The following RASAL2 variants were observed in gnomAD, a reference collection of about 807,000 sequenced individuals.
The protein encoded by RASAL2 is RAS protein activator like 2.
A neutral mutation model predicts 128.9 loss-of-function variants in RASAL2; 58 were observed. The ratio of observed to expected loss-of-function variants is 0.45; its 90% confidence interval spans 0.36 to 0.56. RASAL2 has a LOEUF of 0.56. Among genes scored for constraint, RASAL2 ranks in the 20% least tolerant of loss-of-function variants. The pLI, the probability that RASAL2 is intolerant of heterozygous loss-of-function variation, is 0.00. For synonymous variants in RASAL2, 561 were observed against 580.8 expected (o/e 0.97, Z 0.49); for missense variants, 1,360 against 1,601.6 (o/e 0.85, Z 2.57).
At chr1:178,282,148 G>GACAAA (rs1163837885) in intron 1 of RASAL2, among the ~76,000 whole-genome samples, 1 of 152,076 alleles carries the variant, frequency 6.6e-6, no homozygotes, top group East Asian at 1.9e-4. Flanking sequence ...GGGAAGAAAA[G>GACAAA]ACAAAACAGT....
intron 3 of RASAL2, among the ~76,000 whole-genome samples, chr1:178,356,682 A>C (rs1461869509): frequency 6.6e-6 from 1 of 152,238 alleles, no homozygotes; most frequent in Non-Finnish European, 1.5e-5. Flanking sequence ...AAAGCAAGGA[A>C]TGTTTACCCC....
intron 1 of RASAL2, among the ~76,000 whole-genome samples, chr1:178,174,904 A>G (rs1200335496): frequency 6.6e-6 from 1 of 152,094 alleles, no homozygotes; most frequent in Non-Finnish European, 1.5e-5. Context: ...AATTGGTGTA[A>G]ATTATTGTCA....
chr1:178,139,347 C>T (rs1329288803), intron 1 of RASAL2, among the ~76,000 whole-genome samples: 4 of 152,008 alleles, frequency 2.6e-5, no homozygotes, highest in Non-Finnish European at 4.4e-5. Context: ...TTCAGATGAT[C>T]TACACTAAAT....
At chr1:178,450,538 TACTA>T (rs1224528320) in intron 9 of RASAL2, among the ~76,000 whole-genome samples, 2 of 152,178 alleles carry the variant, frequency 1.3e-5, no homozygotes, top group Non-Finnish European at 2.9e-5. Flanking sequence ...TTTATCCAAA[TACTA>T]ACCACTTTGA....
At chr1:178,200,402 T>C (rs1662821683) in intron 1 of RASAL2, among the ~76,000 whole-genome samples, 1 of 152,222 alleles carries the variant, frequency 6.6e-6, no homozygotes, top group Non-Finnish European at 1.5e-5. Flanking sequence ...GCAAAGAGTT[T>C]AGCAACTTTA....
chr1:178,221,656 G>A (rs1365034486), intron 1 of RASAL2, among the ~76,000 whole-genome samples: 5 of 152,080 alleles, frequency 3.3e-5, no homozygotes, highest in Non-Finnish European at 7.4e-5. Context: ...AATTTGTTAA[G>A]GTGTGTTTTA....
At chr1:178,152,066 C>A (rs1205280564) in intron 1 of RASAL2, among the ~76,000 whole-genome samples, 4 of 152,106 alleles carry the variant, frequency 2.6e-5, no homozygotes, top group Admixed American at 1.3e-4. Flanking sequence ...GGTGAGGTGA[C>A]TTAGAGTGGA....
intron 4 of RASAL2, among the ~76,000 whole-genome samples, chr1:178,420,108 G>C (rs2102746475): frequency 6.6e-6 from 1 of 152,184 alleles, no homozygotes; most frequent in South Asian, 2.1e-4. Flanking sequence ...TTCTTTGCCT[G>C]TTTTCCCTTA....
intron 3 of RASAL2, among the ~76,000 whole-genome samples, chr1:178,378,766 T>G (rs1672125325): frequency 6.6e-6 from 1 of 152,176 alleles, no homozygotes; most frequent in Non-Finnish European, 1.5e-5. Flanking sequence ...ACTTGTGGAA[T>G]ATCACTAAAA....
intron 3 of RASAL2, among the ~76,000 whole-genome samples, chr1:178,374,214 C>T (rs1671875160): frequency 6.6e-6 from 1 of 152,118 alleles, no homozygotes; most frequent in African/African-American, 2.4e-5. Flanking sequence ...TGAGATGTAG[C>T]TTGTGATAGT....
In RASAL2 at chr1:178,094,405, C is replaced by A; in HGVS notation, c.-88C>A. 1 of 1,288,556 alleles carries A rather than the reference C, an allele frequency of 7.8e-7. No homozygotes were observed. The highest frequency in any genetic ancestry group is 1.0e-6 in the Non-Finnish European group (1 of 961,968). The allele number at this position is 1,288,556 out of a possible 1,614,324, so 79.8% of individuals were successfully genotyped here. Reference sequence around the variant, plus strand: ...GTCCCTGCCCTCGCTGCGCGCTCTCCTCCTCCCCTTACCGCAGGCAGGGCG... The same window carrying A: ...GTCCCTGCCCTCGCTGCGCGCTCTCATCCTCCCCTTACCGCAGGCAGGGCG... On this transcript the variant is annotated 5_prime_UTR_variant, in exon 1 of 18. Coordinates refer to ENST00000367649, the MANE Select transcript of RASAL2 (RefSeq NM_170692.4).
intron 3 of RASAL2, among the ~76,000 whole-genome samples, chr1:178,321,387 C>T (rs1668771417): frequency 1.3e-5 from 2 of 152,204 alleles, no homozygotes; most frequent in African/African-American, 2.4e-5. Flanking sequence ...CGCCCCGCCT[C>T]AATAATTTTT....
chr1:178,299,655 G>A (rs1161014348), intron 2 of RASAL2, among the ~76,000 whole-genome samples: 3 of 151,816 alleles, frequency 2.0e-5, no homozygotes, highest in African/African-American at 4.8e-5. Context: ...GCGCCACCAC[G>A]CCCAGCTAAT....
chr1:178,197,507 G>A (rs1662700524), intron 1 of RASAL2, among the ~76,000 whole-genome samples: 1 of 151,572 alleles, frequency 6.6e-6, no homozygotes, highest in Non-Finnish European at 1.5e-5. Context: ...TACTCGGGAG[G>A]CTGAGGCAGG....
chr1:178,204,929 A>G (rs1244272261), intron 1 of RASAL2, among the ~76,000 whole-genome samples: 1 of 152,194 alleles, frequency 6.6e-6, no homozygotes, highest in Non-Finnish European at 1.5e-5. Flanking sequence ...GATCTACCAT[A>G]TATCCATCAT....
At chr1:178,136,861 A>G (rs967901102) in intron 1 of RASAL2, among the ~76,000 whole-genome samples, 2 of 150,674 alleles carry the variant, frequency 1.3e-5, no homozygotes, top group African/African-American at 4.9e-5. Context: ...ATAAAGGTCT[A>G]GTCCTATCCC....
intron 3 of RASAL2, among the ~76,000 whole-genome samples, chr1:178,302,630 C>T (rs979751779): frequency 4.3e-4 from 66 of 152,182 alleles, no homozygotes; most frequent in Non-Finnish European, 9.0e-4. Context: ...ACCACATACA[C>T]GTATACAAAT....
At chr1:178,308,536 T>A (rs1668099323) in intron 3 of RASAL2, among the ~76,000 whole-genome samples, 1 of 150,458 alleles carries the variant, frequency 6.6e-6, no homozygotes, top group African/African-American at 2.5e-5. Flanking sequence ...ATTCAAACAT[T>A]AGCTTTTTTT....
chr1:178,344,163 A>G (rs1395951488), intron 3 of RASAL2, among the ~76,000 whole-genome samples: 1 of 152,116 alleles, frequency 6.6e-6, no homozygotes, highest in Non-Finnish European at 1.5e-5. Flanking sequence ...CTATATATAA[A>G]TATTGTTTAT....
Sources: allele counts gnomAD v4.1 joint callset (sites outside exome capture counted in the v4.1 genomes callset), GRCh38; gene constraint gnomAD v4.1.1; transcripts MANE v1.5; gene names NCBI Gene and HGNC (gene_info 2026-07-23, HGNC 2026-07-21).